Variants in CHRM3 observed in about 807,000 individuals in gnomAD.
The protein encoded by CHRM3 is cholinergic receptor muscarinic 3, also known as muscarinic acetylcholine receptor M3.
A neutral mutation model predicts 41.8 loss-of-function variants in CHRM3; 11 were observed. The ratio of observed to expected loss-of-function variants is 0.26; its 90% confidence interval spans 0.17 to 0.44. The LOEUF (loss-of-function observed/expected upper bound fraction) is 0.44, where lower values mean the gene tolerates loss of function less well. CHRM3 is among the 20% of genes least tolerant of loss of function. CHRM3 has a pLI of 1.00. For missense variants in CHRM3, 571 were observed against 745.4 expected, an observed-to-expected ratio of 0.77 and a Z score of 2.72; for synonymous variants, 297 against 301.4, an observed-to-expected ratio of 0.99 and a Z score of 0.15.
chr1:239,566,858 T>C (rs1661407007), intron 3 of CHRM3, among the ~76,000 whole-genome samples: 1 of 152,168 alleles, frequency 6.6e-6, no homozygotes, highest in Non-Finnish European at 1.5e-5. Flanking sequence ...AAATACATAT[T>C]AATATGATGT....
At chr1:239,817,110 A>G (rs1258401677) in intron 5 of CHRM3, among the ~76,000 whole-genome samples, 1 of 152,138 alleles carries the variant, frequency 6.6e-6, no homozygotes, top group Non-Finnish European at 1.5e-5. Context: ...TGCATAATAT[A>G]TGGACACAGA....
intron 5 of CHRM3, among the ~76,000 whole-genome samples, chr1:239,751,521 T>C (rs1318027499): frequency 2.0e-5 from 3 of 152,208 alleles, no homozygotes; most frequent in African/African-American, 7.2e-5. Flanking sequence ...CAAATGCCCA[T>C]TGGGCACCTA....
chr1:239,598,323 C>T (rs1665058514), intron 3 of CHRM3, among the ~76,000 whole-genome samples: 1 of 151,952 alleles, frequency 6.6e-6, no homozygotes, highest in African/African-American at 2.4e-5. Context: ...TTCCTTGGCT[C>T]CCTTGCATCT....
At chr1:239,639,421 G>A (rs1371426821) in intron 4 of CHRM3, among the ~76,000 whole-genome samples, 6 of 152,036 alleles carry the variant, frequency 3.9e-5, no homozygotes, top group Admixed American at 3.9e-4. Flanking sequence ...CCATTTCTTT[G>A]TATCCTCTTT....
At chr1:239,764,581 G>A (rs1309439037) in intron 5 of CHRM3, among the ~76,000 whole-genome samples, 2 of 152,206 alleles carry the variant, frequency 1.3e-5, no homozygotes, top group African/African-American at 2.4e-5. Context: ...AATAGCTGCT[G>A]TACAAATCCC....
intron 4 of CHRM3, among the ~76,000 whole-genome samples, chr1:239,670,232 C>T (rs1674220454): frequency 1.3e-5 from 2 of 152,238 alleles, no homozygotes; most frequent in East Asian, 1.9e-4. Flanking sequence ...ATACCTCTTC[C>T]TAGTTGCTGT....
chr1:239,422,919 A>T (rs1662070433), intron 1 of CHRM3, among the ~76,000 whole-genome samples: 2 of 152,226 alleles, frequency 1.3e-5, no homozygotes, highest in Non-Finnish European at 2.9e-5. Context: ...AGAACAAGTC[A>T]CTGGGGAGAT....
intron 1 of CHRM3, among the ~76,000 whole-genome samples, chr1:239,477,021 T>C (rs1380403481): frequency 6.6e-6 from 1 of 152,184 alleles, no homozygotes; most frequent in East Asian, 1.9e-4. Flanking sequence ...GGGAAGGGTA[T>C]TCTGGGCTTT....
chr1:239,842,314 C>T (rs200668353), intron 6 of CHRM3, among the ~76,000 whole-genome samples: 39 of 151,786 alleles, frequency 2.6e-4, no homozygotes, highest in African/African-American at 9.2e-4. Context: ...CTCCACCTCT[C>T]GGACTCCGCC....
rs192796911 is a variant in CHRM3 at position 239,547,836 on chromosome 1, A to G, written c.-313+2087A>G. 7.9e-4 allele frequency among the ~76,000 whole-genome samples: 120 copies of G among 152,338 alleles called. 1 individual carries two copies. Among genetic ancestry groups the G allele is most frequent in the African/African-American group, 2.9e-3 (119 of 41,580 alleles). On this transcript the variant is annotated intron_variant, in intron 3 of 6. Coordinates refer to ENST00000676153, the MANE Select transcript of CHRM3 (RefSeq NM_001375978.1). ...TTTCAAAAATGATTAACAAATACTT[A>G]AACAACAAAATGCAAACATAGCTTG...
chr1:239,882,109 TG>T (rs1677695361), intron 6 of CHRM3, among the ~76,000 whole-genome samples: 1 of 152,222 alleles, frequency 6.6e-6, no homozygotes, highest in South Asian at 2.1e-4. Context: ...GGTTTCGCCT[TG>T]TTGGCCAGGC....
At chr1:239,847,304 T>G (rs1298410077) in intron 6 of CHRM3, among the ~76,000 whole-genome samples, 7 of 152,234 alleles carry the variant, frequency 4.6e-5, no homozygotes, top group African/African-American at 1.7e-4. Flanking sequence ...ATAGAGGATC[T>G]GTTTATTTCA....
intron 1 of CHRM3, among the ~76,000 whole-genome samples, chr1:239,403,335 G>T (rs934122914): frequency 1.3e-5 from 2 of 152,190 alleles, no homozygotes; most frequent in Non-Finnish European, 2.9e-5. Flanking sequence ...TTAAGTATTT[G>T]TTGTTGACTG....
intron 2 of CHRM3, among the ~76,000 whole-genome samples, chr1:239,500,124 C>G (rs949851206): frequency 1.3e-5 from 2 of 152,000 alleles, no homozygotes; most frequent in Non-Finnish European, 2.9e-5. Context: ...GAGTTTTTAG[C>G]ATGAAGGGTT....
At position 239,623,497 on chromosome 1, in the gene CHRM3, A is replaced by T. The variant is rs28753156; in HGVS notation, c.-312-8727A>T. On this transcript the variant is annotated intron_variant, in intron 3 of 6. Transcript: ENST00000676153. ...ATGGTGTATAAGTTTTTTTTTTTTT[A>T]ATTTTTTTTTTTTATTATACTCTAA... Among the ~76,000 whole-genome samples the T allele has an allele frequency of 8.2e-3, 695 of 84,988 alleles. 15 individuals carry two copies. Among genetic ancestry groups the T allele is most frequent in the Admixed American group, 0.073 (561 of 7,690 alleles). The allele number at this position is 84,988 out of a possible 152,430, so 55.8% of individuals were successfully genotyped here.
chr1:239,660,981 A>G (rs1315583475), intron 4 of CHRM3, among the ~76,000 whole-genome samples: 4 of 152,166 alleles, frequency 2.6e-5, no homozygotes, highest in Non-Finnish European at 5.9e-5. Flanking sequence ...TCTCATGATT[A>G]CCCAGTGAGA....
chr1:239,396,731 T>C (rs1659515189), intron 1 of CHRM3, among the ~76,000 whole-genome samples: 1 of 152,194 alleles, frequency 6.6e-6, no homozygotes, highest in Non-Finnish European at 1.5e-5. Context: ...CATAACCCAA[T>C]GCCCCCAAAG....
intron 3 of CHRM3, among the ~76,000 whole-genome samples, chr1:239,581,413 T>C (rs978261532): frequency 6.7e-6 from 1 of 149,778 alleles, no homozygotes; most frequent in East Asian, 2.0e-4. Flanking sequence ...TTAACATCAT[T>C]GCTTTTTCAT....
At chr1:239,458,189 C>A (rs1245910093) in intron 1 of CHRM3, among the ~76,000 whole-genome samples, 2 of 152,010 alleles carry the variant, frequency 1.3e-5, no homozygotes, top group African/African-American at 4.8e-5. Context: ...TGGTGGCAAA[C>A]GTTATCAAGA....
Sources: gnomAD v4.1 joint callset for allele counts (sites outside exome capture counted in the v4.1 genomes callset) on GRCh38, gnomAD v4.1.1 for gene constraint, MANE v1.5 for transcripts, NCBI Gene and HGNC (gene_info 2026-07-23, HGNC 2026-07-21) for gene names.